The following TMEFF2 variants were observed in gnomAD, a reference collection of about 807,000 sequenced individuals.
TMEFF2 encodes tomoregulin-2.
In TMEFF2, 28 loss-of-function variants were observed where a neutral mutation model predicts 53.8. That is an observed-to-expected ratio of 0.52 (90% confidence interval 0.39 to 0.71). The LOEUF (loss-of-function observed/expected upper bound fraction) is 0.71, where lower values mean the gene tolerates loss of function less well. TMEFF2 is among the 30% of genes least tolerant of loss of function. The probability of loss-of-function intolerance (pLI) is 0.00; values close to 1 mark genes in which losing one functional copy is unlikely to be tolerated. For missense variants in TMEFF2, 353 were observed against 455.2 expected, an observed-to-expected ratio of 0.78 and a Z score of 2.04; for synonymous variants, 162 against 166.3, an observed-to-expected ratio of 0.97 and a Z score of 0.20.
chr2:192,172,477 T>C (rs1034537120), intron 4 of TMEFF2, among the ~76,000 whole-genome samples: 2 of 151,898 alleles, frequency 1.3e-5, no homozygotes, highest in Non-Finnish European at 1.5e-5. Context: ...ATCCAGAGTC[T>C]AGAGCTCTAG....
intron 5 of TMEFF2, among the ~76,000 whole-genome samples, chr2:192,054,410 C>T (rs1687851257): frequency 6.6e-6 from 1 of 151,978 alleles, no homozygotes; most frequent in African/African-American, 2.4e-5. Flanking sequence ...CTCCTTTGTC[C>T]TTCTCCTTGT....
At chr2:192,088,723 T>C (rs1412235485) in intron 4 of TMEFF2, among the ~76,000 whole-genome samples, 1 of 152,188 alleles carries the variant, frequency 6.6e-6, no homozygotes, top group Admixed American at 6.5e-5. Flanking sequence ...ATTCATGCTA[T>C]TCCTTTTGCC....
At chr2:192,104,051 A>C (rs1343486992) in intron 4 of TMEFF2, among the ~76,000 whole-genome samples, 3 of 152,142 alleles carry the variant, frequency 2.0e-5, no homozygotes, top group Non-Finnish European at 4.4e-5. Flanking sequence ...ATTGAAAAGA[A>C]AGCAAAGGAA....
At chr2:192,176,733 G>C (rs1691053942) in intron 4 of TMEFF2, 1 of 151,102 alleles carries the variant, frequency 6.6e-6, no homozygotes, top group East Asian at 1.9e-4. Context: ...TGCAGTAAAT[G>C]ACAGACATAC....
chr2:192,047,933 G>A (rs192397817), intron 5 of TMEFF2, among the ~76,000 whole-genome samples: 21 of 152,230 alleles, frequency 1.4e-4, no homozygotes, highest in South Asian at 1.2e-3. Flanking sequence ...GTTTCTACCC[G>A]ATTTAATACA....
rs533777900 is a variant in TMEFF2 at position 192,096,927 on chromosome 2, C to T, written c.440-39152G>A. On this transcript the variant is annotated intron_variant, in intron 4 of 9. Coordinates refer to ENST00000272771, the MANE Select transcript of TMEFF2 (RefSeq NM_016192.4). The stretch of plus-strand genomic sequence containing the variant: ...TGGACCTCAAGTGATCCGTCTGCCA[C>T]GGCCTCCCAAAGTGCTGGGATTACA... Among the ~76,000 whole-genome samples the T allele has an allele frequency of 6.6e-5, 10 of 151,982 alleles. No individual in the cohort carries two copies. In the South Asian group the frequency reaches 1.9e-3, roughly 28 times the overall value.
chr2:192,142,250 A>G (rs1055847660), intron 4 of TMEFF2, among the ~76,000 whole-genome samples: 1 of 152,138 alleles, frequency 6.6e-6, no homozygotes, highest in Non-Finnish European at 1.5e-5. Flanking sequence ...CCTAGAAGCA[A>G]AGAACTCAAT....
intron 7 of TMEFF2, among the ~76,000 whole-genome samples, chr2:191,975,265 C>T (rs201551466): frequency 7.6e-4 from 67 of 88,298 alleles, no homozygotes; most frequent in East Asian, 2.8e-3. Flanking sequence ...TCTTTTTCTT[C>T]TTTTTTTTTT....
chr2:192,097,002 A>C (rs909550490), intron 4 of TMEFF2, among the ~76,000 whole-genome samples: 2 of 152,102 alleles, frequency 1.3e-5, no homozygotes, highest in East Asian at 3.8e-4. Flanking sequence ...CTTAGTATTT[A>C]ATGTGCTAAA....
intron 4 of TMEFF2, among the ~76,000 whole-genome samples, chr2:192,091,149 C>T (rs898722800): frequency 1.3e-5 from 2 of 152,146 alleles, no homozygotes; most frequent in African/African-American, 2.4e-5. Context: ...CCAGGCTTAG[C>T]GATTCTCTCC....
chr2:192,096,501 A>G (rs1255661714), intron 4 of TMEFF2, among the ~76,000 whole-genome samples: 2 of 152,122 alleles, frequency 1.3e-5, no homozygotes, highest in East Asian at 3.8e-4. Flanking sequence ...TTGTTTTACA[A>G]ATGAACCCAT....
At chr2:192,145,805 G>A (rs1690237180) in intron 4 of TMEFF2, among the ~76,000 whole-genome samples, 2 of 151,946 alleles carry the variant, frequency 1.3e-5, no homozygotes, top group African/African-American at 4.8e-5. Context: ...ATGATTCAAT[G>A]TTTTATTCTA....
chr2:192,017,671 T>C (rs1686772875), intron 5 of TMEFF2, among the ~76,000 whole-genome samples: 1 of 152,274 alleles, frequency 6.6e-6, no homozygotes, highest in South Asian at 2.1e-4. Flanking sequence ...CAGTCCTAAT[T>C]CCCCTTTTTC....
intron 4 of TMEFF2, among the ~76,000 whole-genome samples, chr2:192,134,168 C>T (rs1689936576): frequency 6.6e-6 from 1 of 152,206 alleles, no homozygotes; most frequent in Non-Finnish European, 1.5e-5. Flanking sequence ...TTCTTCCTCA[C>T]ACCTGACGCA....
intron 9 of TMEFF2, among the ~76,000 whole-genome samples, chr2:191,952,526 C>T (rs114293543): frequency 0.054 from 8,137 of 151,448 alleles, 266 homozygotes; most frequent in South Asian, 0.093. Context: ...CCTTATGTTC[C>T]CCAGAATCTA....
intron 5 of TMEFF2, among the ~76,000 whole-genome samples, chr2:192,056,023 G>C (rs1004523383): frequency 7.9e-5 from 12 of 152,072 alleles, no homozygotes; most frequent in Admixed American, 2.0e-4. Flanking sequence ...TTTACCCTAA[G>C]AACCACCATT....
At chr2:192,181,978 T>C (rs533397074) in intron 3 of TMEFF2, among the ~76,000 whole-genome samples, 5 of 151,888 alleles carry the variant, frequency 3.3e-5, no homozygotes, top group African/African-American at 4.8e-5. Context: ...TAAAGTCTTA[T>C]TAGTAAGACA....
At chr2:191,989,456 C>A (rs369419164) in intron 7 of TMEFF2, among the ~76,000 whole-genome samples, 1 of 152,192 alleles carries the variant, frequency 6.6e-6, no homozygotes, top group Non-Finnish European at 1.5e-5. Flanking sequence ...TGTTTTAGCT[C>A]GATGCCTTGA....
At chr2:192,037,643 A>AAG (rs34986284) in intron 5 of TMEFF2, among the ~76,000 whole-genome samples, 61 of 143,278 alleles carry the variant, frequency 4.3e-4, no homozygotes, top group African/African-American at 1.6e-3. Flanking sequence ...AAGAGAGAGA[A>AAG]AGAGAGAGAG....
Sources: allele counts gnomAD v4.1 joint callset (sites outside exome capture counted in the v4.1 genomes callset), GRCh38; gene constraint gnomAD v4.1.1; transcripts MANE v1.5; gene names NCBI Gene and HGNC (gene_info 2026-07-23, HGNC 2026-07-21).